The following GNA12 variants were observed in gnomAD, a reference collection of about 807,000 sequenced individuals.
GNA12 encodes guanine nucleotide-binding protein subunit alpha-12.
Under a neutral mutation model 26.0 loss-of-function variants are expected in GNA12, and 9 were observed. The ratio of observed to expected loss-of-function variants is 0.35; its 90% CI spans 0.21 to 0.60. GNA12 has a LOEUF of 0.60. GNA12 is among the 20% of genes least tolerant of loss of function. The pLI, the probability that GNA12 is intolerant of heterozygous loss-of-function variation, is 0.78. For missense variants in GNA12, 405 were observed against 525.8 expected, an observed-to-expected ratio of 0.77 and a Z score of 2.25; for synonymous variants, 264 against 219.6, an observed-to-expected ratio of 1.20 and a Z score of -1.79.
At chr7:2,802,616 T>TA (rs2115468868) in intron 1 of GNA12, among the ~76,000 whole-genome samples, 1 of 152,252 alleles carries the variant, frequency 6.6e-6, no homozygotes, top group Admixed American at 6.5e-5. Context: ...GATGAAACAG[T>TA]TCCATTAAGA....
intron 2 of GNA12, among the ~76,000 whole-genome samples, chr7:2,754,734 G>A (rs1791209896): frequency 6.6e-6 from 1 of 152,174 alleles, no homozygotes; most frequent in Non-Finnish European, 1.5e-5. Context: ...GAGCAACAGA[G>A]TGAGACCCTG....
intron 2 of GNA12, among the ~76,000 whole-genome samples, chr7:2,769,848 T>TA (rs1791904281): frequency 6.6e-6 from 1 of 152,240 alleles, no homozygotes; most frequent in Non-Finnish European, 1.5e-5. Flanking sequence ...CACTTCTTTA[T>TA]ACCCTTAACA....
intron 1 of GNA12, among the ~76,000 whole-genome samples, chr7:2,798,419 GTAC>G (rs1287251846): frequency 2.6e-5 from 4 of 152,166 alleles, no homozygotes; most frequent in African/African-American, 9.7e-5. Flanking sequence ...AATGAAAGAT[GTAC>G]TACTACTAAC....
intron 1 of GNA12, among the ~76,000 whole-genome samples, chr7:2,813,243 C>T (rs779592907): frequency 9.2e-5 from 14 of 152,214 alleles, no homozygotes; most frequent in Non-Finnish European, 4.4e-5. Context: ...TATTTTCAAG[C>T]TCTAAGATGA....
intron 2 of GNA12, chr7:2,762,676 G>T (rs1297329124): frequency 6.3e-7 from 1 of 1,594,132 alleles, no homozygotes; most frequent in Admixed American, 1.8e-5. Context: ...AAATCATTTG[G>T]AAAGAAACCA....
chr7:2,742,560 C>G (rs1159198197), intron 2 of GNA12, among the ~76,000 whole-genome samples: 3 of 152,196 alleles, frequency 2.0e-5, no homozygotes, highest in Non-Finnish European at 2.9e-5. Flanking sequence ...TCCTCGCTTA[C>G]TTTGGTGCTC....
chr7:2,734,287 A>C (rs923793102), intron 2 of GNA12, among the ~76,000 whole-genome samples: 1 of 152,204 alleles, frequency 6.6e-6, no homozygotes, highest in Non-Finnish European at 1.5e-5. Context: ...ACAGGCACGC[A>C]ATGAGTCCCT....
At chr7:2,808,447 T>C (rs1264738845) in intron 1 of GNA12, among the ~76,000 whole-genome samples, 4 of 152,210 alleles carry the variant, frequency 2.6e-5, no homozygotes, top group East Asian at 3.8e-4. Flanking sequence ...CCACTGGCTG[T>C]AGTAGGAGAG....
At chr7:2,739,705 C>T (rs1414025124) in intron 2 of GNA12, among the ~76,000 whole-genome samples, 2 of 152,068 alleles carry the variant, frequency 1.3e-5, no homozygotes, top group East Asian at 1.9e-4. Context: ...AATGGAGTCT[C>T]GCCCCGTTGC....
At chr7:2,762,838 G>GCGGCTCCGAAGCAGGAGAGGGC (rs1791629684) in intron 2 of GNA12, 3 of 1,494,822 alleles carry the variant, frequency 2.0e-6, no homozygotes, top group East Asian at 2.6e-5. Context: ...CCCAGTCAGC[G>GCGGCTCCGAAGCAGGAGAGGGC]CGGCTCCGAA....
At chr7:2,780,051 C>T (rs55850120) in intron 2 of GNA12, among the ~76,000 whole-genome samples, 7,200 of 61,370 alleles carry the variant, frequency 0.12, 530 homozygotes, top group African/African-American at 0.19. Flanking sequence ...TTTCTGTGTA[C>T]ATATATATAT....
chr7:2,749,177 T>C (rs935572804), intron 2 of GNA12, among the ~76,000 whole-genome samples: 4 of 150,048 alleles, frequency 2.7e-5, no homozygotes, highest in African/African-American at 4.8e-5. Flanking sequence ...ACCCAAAGGA[T>C]TATAAATCAT....
intron 2 of GNA12, among the ~76,000 whole-genome samples, chr7:2,738,433 A>C (rs1216121510): frequency 6.6e-6 from 1 of 152,214 alleles, no homozygotes; most frequent in African/African-American, 2.4e-5. Context: ...CCGGCGAAGG[A>C]GAAGAGCTCC....
chr7:2,794,634 T>A, intron 2 of GNA12: 5 of 387,760 alleles, frequency 1.3e-5, no homozygotes, highest in Non-Finnish European at 1.9e-5. Flanking sequence ...ACAAGATCTC[T>A]AAAAAAAACT....
chr7:2,738,469 C>G (rs1790327447), intron 2 of GNA12, among the ~76,000 whole-genome samples: 2 of 152,134 alleles, frequency 1.3e-5, no homozygotes, highest in Admixed American at 1.3e-4. Context: ...TTTCCGATAC[C>G]CACTGCCAAA....
At chr7:2,822,728 C>T (rs1793395760) in intron 1 of GNA12, among the ~76,000 whole-genome samples, 1 of 152,202 alleles carries the variant, frequency 6.6e-6, no homozygotes, top group Non-Finnish European at 1.5e-5. Context: ...GAGAGGATCA[C>T]TTGAGTCCAG....
chr7:2,733,850 C>T (rs562524916), intron 2 of GNA12, among the ~76,000 whole-genome samples: 2 of 152,300 alleles, frequency 1.3e-5, no homozygotes, highest in South Asian at 4.1e-4. Flanking sequence ...CAGCAAAGGA[C>T]AGGCTAGAAT....
chr7:2,796,234 G>A (rs1266683334), intron 1 of GNA12, among the ~76,000 whole-genome samples: 5 of 152,134 alleles, frequency 3.3e-5, no homozygotes, highest in Admixed American at 2.6e-4. Flanking sequence ...AGCCCTACCT[G>A]TATTGTTTTT....
At position 2,844,245 on chromosome 7, in the gene GNA12, A is replaced by ACCGCCCCACGCC. The variant is rs1212387720; in HGVS notation, c.-96_-85dup. 1 of 623,794 alleles carries ACCGCCCCACGCC rather than the reference A, an allele frequency of 1.6e-6. No individual in the cohort carries two copies. Among genetic ancestry groups the ACCGCCCCACGCC allele is most frequent in the South Asian group, 6.6e-5 (1 of 15,208 alleles). The allele number at this position is 623,794 out of a possible 1,614,324, so 38.6% of individuals were successfully genotyped here. On this transcript the variant is annotated 5_prime_UTR_variant, in exon 1 of 4. Transcript: ENST00000275364. ...GGCGAGGGCGAGCCCGGGCCGAGGC[A>ACCGCCCCACGCC]CCGCCCCACGCCCCGCCGCTCGCCT... is the stretch of plus-strand genomic sequence containing the variant.
Sources: gnomAD v4.1 joint callset for allele counts (sites outside exome capture counted in the v4.1 genomes callset) on GRCh38, gnomAD v4.1.1 for gene constraint, MANE v1.5 for transcripts, NCBI Gene and HGNC (gene_info 2026-07-23, HGNC 2026-07-21) for gene names.